The following ARHGEF4 variants were observed in gnomAD, a reference collection of about 807,000 sequenced individuals.
ARHGEF4 encodes the protein APC-stimulated guanine nucleotide exchange factor 1.
In ARHGEF4, 119 loss-of-function variants were observed where a neutral mutation model predicts 162.0. The observed-to-expected ratio is 0.73, with a 90% CI of 0.63 to 0.86. The LOEUF is 0.86. Ranked by LOEUF, ARHGEF4 falls within the 40% of genes least tolerant of loss-of-function variation. ARHGEF4 has a pLI of 0.00. For synonymous variants in ARHGEF4, 1,014 were observed against 979.9 expected (o/e 1.03, Z -0.65); for missense variants, 2,488 against 2,456.0 (o/e 1.01, Z -0.28).
chr2:130,898,948 A>G (rs969184800), intron 1 of ARHGEF4, among the ~76,000 whole-genome samples: 1 of 152,096 alleles, frequency 6.6e-6, no homozygotes, highest in Non-Finnish European at 1.5e-5. Flanking sequence ...AAACACACGC[A>G]TGCAGCTCAT....
At chr2:130,880,682 G>A (rs1478239218) in intron 1 of ARHGEF4, among the ~76,000 whole-genome samples, 1 of 152,204 alleles carries the variant, frequency 6.6e-6, no homozygotes, top group African/African-American at 2.4e-5. Context: ...CTATAGGTGT[G>A]TGCCACTGCA....
intron 4 of ARHGEF4, among the ~76,000 whole-genome samples, chr2:130,980,283 G>A (rs1382619568): frequency 6.6e-6 from 1 of 151,902 alleles, no homozygotes; most frequent in Non-Finnish European, 1.5e-5. Flanking sequence ...TGTGGTCCCA[G>A]CTACTTGGGA....
intron 4 of ARHGEF4, among the ~76,000 whole-genome samples, chr2:130,956,675 G>A (rs951705591): frequency 1.3e-5 from 2 of 151,898 alleles, no homozygotes; most frequent in African/African-American, 2.4e-5. Flanking sequence ...TTGTAGGGAC[G>A]TGGATGAAAT....
intron 2 of ARHGEF4, among the ~76,000 whole-genome samples, chr2:130,926,646 G>A (rs971315976): frequency 6.6e-6 from 1 of 152,060 alleles, no homozygotes; most frequent in Non-Finnish European, 1.5e-5. Flanking sequence ...AAGGATGGGT[G>A]TTTCATTTAC....
At chr2:130,901,817 G>T (rs770040805) in intron 1 of ARHGEF4, among the ~76,000 whole-genome samples, 1 of 152,108 alleles carries the variant, frequency 6.6e-6, no homozygotes, top group African/African-American at 2.4e-5. Context: ...CACCGTGCCC[G>T]GCCTGAGTCC....
chr2:131,005,645 G>A (rs967659187), intron 4 of ARHGEF4, among the ~76,000 whole-genome samples: 25 of 152,168 alleles, frequency 1.6e-4, no homozygotes, highest in Non-Finnish European at 2.6e-4. Context: ...ACCCCGCAGC[G>A]TGCAGAAGAT....
rs2105053963 is a variant in ARHGEF4 at position 130,914,835 on chromosome 2, C to T, written c.889C>T (p.Pro297Ser). ...QPHSDVPCQPPLRTSCLLRTN... is the reference protein window; with the variant it reads ...QPHSDVPCQPSLRTSCLLRTN... ...CCACTCGGATGTCCCCTGCCAGCCT[C>T]CTTTGAGGACATCTTGCCTCCTACG... Residue 297 changes from proline (P) to serine (S), a missense_variant, in exon 2 of 14, where the codon CCT becomes TCT. By Grantham distance (74) the Pro-to-Ser change is moderately conservative. This residue lies in a region of ARHGEF4 where 1,642 missense variants were observed against 1,481.5 expected (regional missense o/e 1.11). Transcript: ENST00000409359. 3 of 1,463,668 alleles carry T rather than the reference C, an allele frequency of 2.0e-6. No homozygotes were observed. Among genetic ancestry groups the T allele is most frequent in the Non-Finnish European group, 2.7e-6 (3 of 1,107,476 alleles). The allele number at this position is 1,463,668 out of a possible 1,614,324, so 90.7% of individuals were successfully genotyped here.
intron 2 of ARHGEF4, among the ~76,000 whole-genome samples, chr2:130,930,629 G>C (rs1215222257): frequency 6.6e-6 from 1 of 152,066 alleles, no homozygotes; most frequent in Non-Finnish European, 1.5e-5. Context: ...CCAGTTGCTG[G>C]CCTTTAAAAA....
chr2:130,951,812 T>C (rs1041749736), intron 4 of ARHGEF4, among the ~76,000 whole-genome samples: 2 of 152,208 alleles, frequency 1.3e-5, no homozygotes, highest in African/African-American at 4.8e-5. Context: ...TACTCCTTTA[T>C]AGCTCTATTC....
chr2:130,854,521 A>G (rs1025716995), intron 1 of ARHGEF4, among the ~76,000 whole-genome samples: 1 of 147,852 alleles, frequency 6.8e-6, no homozygotes, highest in African/African-American at 2.6e-5. Flanking sequence ...CCTCAGCCCC[A>G]TGTTGCAGAA....
rs552653694 is a variant in ARHGEF4, at chr2:130,940,607, G to A, written c.3859-5902G>A. On this transcript the variant is annotated intron_variant, in intron 3 of 13. Coordinates refer to ENST00000409359, the MANE Select transcript of ARHGEF4 (RefSeq NM_001367493.1). ...TGTAATCCCAGCACTTTGGGAGGCC[G>A]AGGCGGGTGGATCACGAGGTCAGGA... 4.6e-5 allele frequency among the ~76,000 whole-genome samples: 7 copies of A among 151,274 alleles called. No individual in the cohort carries two copies. The East Asian group carries it at 1.2e-3, about 25-fold the overall frequency.
chr2:130,980,142 T>C (rs1202463311), intron 4 of ARHGEF4, among the ~76,000 whole-genome samples: 2 of 152,090 alleles, frequency 1.3e-5, no homozygotes, highest in African/African-American at 2.4e-5. Context: ...CATGCTTGTA[T>C]CCCCAGCAAT....
chr2:131,012,123 G>T (rs1688491633), intron 4 of ARHGEF4, among the ~76,000 whole-genome samples: 2 of 152,160 alleles, frequency 1.3e-5, no homozygotes, highest in Non-Finnish European at 2.9e-5. Context: ...GAGCAGTTTT[G>T]GGTGGGTGGT....
At position 130,915,586 on chromosome 2, in the gene ARHGEF4, G is replaced by C. The variant is rs1486808163; in HGVS notation, c.1640G>C (p.Ser547Thr). 12 of 1,550,466 alleles carry C rather than the reference G, an allele frequency of 7.7e-6. 1 individual carries two copies. The South Asian group carries it at 1.2e-4, about 15-fold the overall frequency. Residue 547 changes from serine (S) to threonine (T), a missense_variant, in exon 2 of 14, where the codon AGT becomes ACT. Physicochemically the swap from Ser to Thr is moderately conservative, Grantham distance 58. Coordinates refer to ENST00000409359, the MANE Select transcript of ARHGEF4 (RefSeq NM_001367493.1). ...GACTTGATGGGCTGCTTGGAAGTGA[G>C]TGACAGTTCAGATGCCCCTGAGACC... ...SGDLMGCLEV[S>T]DSSDAPETTQ...
intron 2 of ARHGEF4, among the ~76,000 whole-genome samples, chr2:130,918,475 C>T (rs1248480117): frequency 1.3e-5 from 2 of 152,240 alleles, no homozygotes; most frequent in Non-Finnish European, 2.9e-5. Context: ...CTTCTTTAGA[C>T]CAAGCGATGC....
chr2:131,036,537 C>T (rs1298459788), intron 5 of ARHGEF4, among the ~76,000 whole-genome samples: 1 of 152,246 alleles, frequency 6.6e-6, no homozygotes, highest in Admixed American at 6.5e-5. Flanking sequence ...AAGCCCTCCT[C>T]TTGCCCGACA....
chr2:130,875,976 G>A (rs1678807248), intron 1 of ARHGEF4, among the ~76,000 whole-genome samples: 1 of 152,106 alleles, frequency 6.6e-6, no homozygotes, highest in Non-Finnish European at 1.5e-5. Flanking sequence ...TTCTCTTTCT[G>A]TAACTCCCAT....
At chr2:130,962,237 CAAA>C (rs11332592) in intron 4 of ARHGEF4, among the ~76,000 whole-genome samples, 36 of 122,290 alleles carry the variant, frequency 2.9e-4, no homozygotes, top group Non-Finnish European at 3.8e-4. Context: ...GTTTCCGTTT[CAAA>C]AAAAAAAAAA....
At chr2:131,027,612 T>C (rs1689565898) in intron 4 of ARHGEF4, among the ~76,000 whole-genome samples, 1 of 152,208 alleles carries the variant, frequency 6.6e-6, no homozygotes, top group East Asian at 1.9e-4. Context: ...GCCTATACTA[T>C]AGCCAACACA....
Sources: gnomAD v4.1 joint callset for allele counts (sites outside exome capture counted in the v4.1 genomes callset) on GRCh38, gnomAD v4.1.1 for gene constraint, gnomAD v4.1.1 regional missense constraint, MANE v1.5 for transcripts, NCBI Gene and HGNC (gene_info 2026-07-23, HGNC 2026-07-21) for gene names.